Variants in ZSCAN25 observed in about 807,000 individuals in gnomAD.
ZSCAN25 encodes zinc finger and SCAN domain containing 25.
ZSCAN25 carries 27 observed loss-of-function variants against 38.7 expected under a neutral mutation model. The ratio of observed to expected loss-of-function variants is 0.70; its 90% CI spans 0.51 to 0.96. The LOEUF (loss-of-function observed/expected upper bound fraction) is 0.96. ZSCAN25 is among the 40% of genes least tolerant of loss of function. The probability of loss-of-function intolerance (pLI) is 0.00; values close to 1 mark genes in which losing one functional copy is unlikely to be tolerated. For synonymous variants in ZSCAN25, 273 were observed against 277.7 expected, an observed-to-expected ratio of 0.98 and a Z score of 0.17; for missense variants, 637 against 705.9, an observed-to-expected ratio of 0.90 and a Z score of 1.11.
intron 7 of ZSCAN25, among the ~76,000 whole-genome samples, chr7:99,625,469 C>T (rs781432958): frequency 1.1e-4 from 17 of 152,082 alleles, no homozygotes; most frequent in Non-Finnish European, 2.5e-4. Flanking sequence ...TAGTGGGATA[C>T]GGTAAGGGGC....
the ZSCAN25 span, among the ~76,000 whole-genome samples, chr7:99,677,786 G>A: frequency 6.6e-6 from 1 of 152,180 alleles, no homozygotes; most frequent in East Asian, 1.9e-4. Flanking sequence ...TGTTGTCACA[G>A]CCATGTCAAA....
downstream of ZSCAN25, among the ~76,000 whole-genome samples, chr7:99,636,069 A>G (rs1422464747): frequency 6.7e-6 from 1 of 149,814 alleles, no homozygotes; most frequent in Non-Finnish European, 1.5e-5. Flanking sequence ...AAAAAAAAAA[A>G]AGATTTAACA....
the ZSCAN25 span, chr7:99,679,771 C>T: frequency 4.9e-5 from 77 of 1,558,650 alleles, no homozygotes; most frequent in African/African-American, 8.8e-4. Flanking sequence ...AAAAGGGGCC[C>T]GATTAGCACC....
chr7:99,687,950 C>A, the ZSCAN25 span, among the ~76,000 whole-genome samples: 18 of 152,178 alleles, frequency 1.2e-4, no homozygotes, highest in East Asian at 5.8e-4. Context: ...GAAATAAAAT[C>A]CTTTACAGAC....
chr7:99,700,547 T>TTAC, the ZSCAN25 span, among the ~76,000 whole-genome samples: 1 of 152,136 alleles, frequency 6.6e-6, no homozygotes, highest in African/African-American at 2.4e-5. Context: ...AAGTCTTTCC[T>TTAC]TACCAACCTC....
At chr7:99,681,513 A>G in the ZSCAN25 span, among the ~76,000 whole-genome samples, 23,258 of 152,212 alleles carry the variant, frequency 0.15, 3,880 homozygotes, top group African/African-American at 0.4. Flanking sequence ...TAGCTGGGGT[A>G]AGATGATATC....
At chr7:99,690,489 T>C in the ZSCAN25 span, among the ~76,000 whole-genome samples, 11 of 152,096 alleles carry the variant, frequency 7.2e-5, no homozygotes, top group Non-Finnish European at 1.5e-4. Flanking sequence ...CAAAAGAAAC[T>C]ACCATCAGAG....
rs1158343091 is a variant in ZSCAN25, at chr7:99,622,645, G to A, written c.681+5G>A. 7 of 1,613,380 alleles carry A rather than the reference G, an allele frequency of 4.3e-6. No homozygotes were observed. The highest frequency in any genetic ancestry group is 1.3e-5 in the African/African-American group (1 of 74,894). On this transcript the variant is annotated splice_donor_5th_base_variant and intron_variant, in intron 6 of 7. Transcript: ENST00000394152. ...TTCTTTACTGCTGGATCGCAGGTGA[G>A]CTCTGACTCCCTTTGCAGAAATCAT...
the ZSCAN25 span, among the ~76,000 whole-genome samples, chr7:99,712,377 T>G: frequency 6.6e-6 from 1 of 152,196 alleles, no homozygotes; most frequent in South Asian, 2.1e-4. Flanking sequence ...ATCTCAAAGT[T>G]TAGAGCTCTG....
At chr7:99,725,085 C>G in the ZSCAN25 span, among the ~76,000 whole-genome samples, 1 of 152,056 alleles carries the variant, frequency 6.6e-6, no homozygotes. Flanking sequence ...TACATGGTCT[C>G]CTGCCTAGTC....
At chr7:99,626,762 C>A (rs1475895684) in intron 7 of ZSCAN25, among the ~76,000 whole-genome samples, 1 of 152,114 alleles carries the variant, frequency 6.6e-6, no homozygotes, top group African/African-American at 2.4e-5. Context: ...TATCATGAAC[C>A]ATTGCATTCC....
the ZSCAN25 span, chr7:99,638,562 GT>G: frequency 6.4e-7 from 1 of 1,550,662 alleles, no homozygotes; most frequent in South Asian, 1.1e-5. Flanking sequence ...CGCGGATCTT[GT>G]CCTGGCCACC....
the ZSCAN25 span, among the ~76,000 whole-genome samples, chr7:99,725,475 C>G: frequency 6.6e-6 from 1 of 152,212 alleles, no homozygotes; most frequent in Non-Finnish European, 1.5e-5. Flanking sequence ...GCATACAAAA[C>G]CTTCAGAACA....
the ZSCAN25 span, chr7:99,715,590 CAG>C: frequency 8.2e-7 from 1 of 1,215,966 alleles, no homozygotes; most frequent in Admixed American, 2.1e-5. Context: ...TCTAGAATGA[CAG>C]AAGTGTTTTA....
the ZSCAN25 span, among the ~76,000 whole-genome samples, chr7:99,714,346 T>C: frequency 1.3e-5 from 2 of 152,328 alleles, no homozygotes; most frequent in East Asian, 3.9e-4. Flanking sequence ...TATCAAATTT[T>C]AAGTGCTCTC....
the ZSCAN25 span, among the ~76,000 whole-genome samples, chr7:99,719,671 CACTCGTG>C: frequency 9.9e-5 from 15 of 152,178 alleles, no homozygotes; most frequent in African/African-American, 3.6e-4. Context: ...CAGAGAAAAA[CACTCGTG>C]ACTGTAGGAT....
chr7:99,693,324 G>A, the ZSCAN25 span, among the ~76,000 whole-genome samples: 27 of 152,342 alleles, frequency 1.8e-4, no homozygotes, highest in East Asian at 2.7e-3. Context: ...CTACTGGAAA[G>A]TGGTTCCCAG....
At chr7:99,701,022 ATG>A in the ZSCAN25 span, among the ~76,000 whole-genome samples, 3 of 152,228 alleles carry the variant, frequency 2.0e-5, no homozygotes, top group Non-Finnish European at 4.4e-5. Context: ...GGAAGATACT[ATG>A]TATCAGAAGA....
the ZSCAN25 span, chr7:99,709,062 G>C: frequency 0.13 from 211,433 of 1,613,714 alleles, 24,610 homozygotes; most frequent in African/African-American, 0.54. Flanking sequence ...CTCAGGCTCT[G>C]TCCAGTACTT....
Sources: gnomAD v4.1 joint callset for allele counts (sites outside exome capture counted in the v4.1 genomes callset) on GRCh38, gnomAD v4.1.1 for gene constraint, MANE v1.5 for transcripts, NCBI Gene and HGNC (gene_info 2026-07-23, HGNC 2026-07-21) for gene names.